Variants in MFAP3 observed in about 807,000 individuals in gnomAD.
MFAP3 encodes microfibril associated protein 3.
Under a neutral mutation model 20.5 loss-of-function variants are expected in MFAP3, and 8 were observed. The observed-to-expected ratio is 0.39, with a 90% confidence interval of 0.23 to 0.70. The LOEUF (loss-of-function observed/expected upper bound fraction) is 0.70, where lower values mean the gene tolerates loss of function less well. MFAP3 is among the 30% of genes least tolerant of loss of function. The pLI, the probability that MFAP3 is intolerant of heterozygous loss-of-function variation, is 0.44. For synonymous variants in MFAP3, 140 were observed against 154.0 expected (o/e 0.91, Z 0.67); for missense variants, 398 against 444.6 (o/e 0.90, Z 0.94).
intron 1 of MFAP3, among the ~76,000 whole-genome samples, chr5:154,044,156 C>T (rs1362404975): frequency 6.6e-6 from 1 of 152,214 alleles, no homozygotes; most frequent in East Asian, 1.9e-4. Flanking sequence ...CTTGCACCAC[C>T]TACTGTACTT....
intron 1 of MFAP3, among the ~76,000 whole-genome samples, chr5:154,043,461 G>C (rs1427050587): frequency 1.3e-5 from 2 of 151,988 alleles, no homozygotes; most frequent in East Asian, 3.9e-4. Context: ...TGAGGTGGGA[G>C]AATCGCTTGA....
intron 2 of MFAP3, among the ~76,000 whole-genome samples, chr5:154,050,795 A>T (rs1274533262): frequency 6.6e-6 from 1 of 151,750 alleles, no homozygotes; most frequent in African/African-American, 2.4e-5. Context: ...AATCCAGACT[A>T]CTCCTAACCA....
At position 154,049,774 on chromosome 5, in the gene MFAP3, G is replaced by C; in HGVS notation, c.52G>C (p.Ala18Pro). Reference sequence around the variant, plus strand: ...TTTAGTGGCAAGTATTATTGTGCCAGCTGCTTTTGTTTTGGAAGATGTGGA... The same window carrying C: ...TTTAGTGGCAAGTATTATTGTGCCACCTGCTTTTGTTTTGGAAGATGTGGA... ...FTLVASIIVP[A>P]AFVLEDVDFD... is the part of the protein sequence containing the mutation. Residue 18 changes from alanine to proline, a missense_variant, in exon 2 of 3, where the codon GCT becomes CCT. Ala to Pro is a conservative substitution (Grantham distance 27). Transcript: ENST00000522782. The C allele has an allele frequency of 6.2e-7, 1 of 1,613,642 alleles. No individual in the cohort carries two copies. Among genetic ancestry groups the C allele is most frequent in the Non-Finnish European group, 8.5e-7 (1 of 1,179,688 alleles).
At chr5:154,050,640 ATACCT>A (rs1773168504) in intron 2 of MFAP3, among the ~76,000 whole-genome samples, 1 of 55,192 alleles carries the variant, frequency 1.8e-5, no homozygotes, top group African/African-American at 6.9e-5. Flanking sequence ...TTTGTATTCT[ATACCT>A]TAATTTACTG....
At position 154,056,235 on chromosome 5, in the gene MFAP3, C is replaced by G. The variant is rs1386353147; in HGVS notation, c.*2522C>G. On this transcript the variant is annotated 3_prime_UTR_variant, in exon 3 of 3. Transcript: ENST00000522782. ...CGTTGTATCCTAGTTATTTTAGAAA[C>G]AGAGGTGGCCTAATTTGGTGGCCAA... Among the ~76,000 whole-genome samples, 3 of 152,154 alleles carry G rather than the reference C, an allele frequency of 2.0e-5. No homozygotes were observed. The highest frequency in any genetic ancestry group is 4.4e-5 in the Non-Finnish European group (3 of 68,010).
rs2113571430 is a variant in MFAP3 at position 154,055,360 on chromosome 5, G to T, written c.*1647G>T. 6.6e-6 allele frequency among the ~76,000 whole-genome samples: 1 copy of T among 152,290 alleles called. No homozygotes were observed. ...AGAAGTAATACATCTGCTCTGAATAGCATGAATGAATCAATGTGCAGTTTT... is the reference window on the plus strand; with the variant it reads ...AGAAGTAATACATCTGCTCTGAATATCATGAATGAATCAATGTGCAGTTTT... On this transcript the variant is annotated 3_prime_UTR_variant, in exon 3 of 3. Transcript: ENST00000522782.
Position 154,053,414 on chromosome 5 carries a change from C to T in MFAP3, c.790C>T (p.Pro264Ser), listed in dbSNP as rs1350289293. ...GTTTGAGGCTGTGCGAGTGGACGACCCTGATGACCTGGGTGAAAGAATTAA... is the reference window on the plus strand; with the variant it reads ...GTTTGAGGCTGTGCGAGTGGACGACTCTGATGACCTGGGTGAAAGAATTAA... ...EMFEAVRVDD[P>S]DDLGERIKER... Residue 264 changes from proline to serine, a missense_variant, in exon 3 of 3, where the codon CCT becomes TCT. Physicochemically the swap from Pro to Ser is moderately conservative, Grantham distance 74. Transcript: ENST00000522782. 2 of 1,613,764 alleles carry T rather than the reference C, an allele frequency of 1.2e-6. No individual in the cohort carries two copies. Among genetic ancestry groups the T allele is most frequent in the Non-Finnish European group, 1.7e-6 (2 of 1,179,954 alleles).
chr5:154,041,298 A>G (rs959008936), intron 1 of MFAP3, among the ~76,000 whole-genome samples: 1 of 152,262 alleles, frequency 6.6e-6, no homozygotes, highest in Non-Finnish European at 1.5e-5. Flanking sequence ...AGTAAGGTGA[A>G]AAGTTATTTA....
chr5:154,052,126 G>A (rs1404502221), intron 2 of MFAP3, among the ~76,000 whole-genome samples: 1 of 152,062 alleles, frequency 6.6e-6, no homozygotes, highest in Non-Finnish European at 1.5e-5. Context: ...CGTGTTCCCT[G>A]AATGAAAATA....
At position 154,044,358 on chromosome 5, in the gene MFAP3, CCTCA is replaced by C. The variant is rs199833397; in HGVS notation, c.-166-5196_-166-5193del. 5.6e-3 allele frequency among the ~76,000 whole-genome samples: 852 copies of C among 152,290 alleles called. 9 individuals are homozygous for C. Among genetic ancestry groups the C allele is most frequent in the African/African-American group, 0.019 (810 of 41,556 alleles). On this transcript the variant is annotated intron_variant, in intron 1 of 2. Transcript: ENST00000522782. ...TGATACCAAGGATGATTTGTTCTTC[CCTCA>C]CTATTTTTTTCTGCTTTGTCACCTT...
At chr5:154,046,651 C>T (rs1291382530) in intron 1 of MFAP3, among the ~76,000 whole-genome samples, 1 of 152,178 alleles carries the variant, frequency 6.6e-6, no homozygotes, top group East Asian at 1.9e-4. Context: ...AGGCAGAATT[C>T]CATGTGGGAG....
At position 154,057,289 on chromosome 5, in the gene MFAP3, G is replaced by A. The variant is rs746534230; in HGVS notation, c.*3576G>A. 1.3e-5 allele frequency among the ~76,000 whole-genome samples: 2 copies of A among 152,062 alleles called. No homozygotes were observed. Among genetic ancestry groups the A allele is most frequent in the African/African-American group, 2.4e-5 (1 of 41,396 alleles). On this transcript the variant is annotated 3_prime_UTR_variant, in exon 3 of 3. Coordinates refer to ENST00000522782, the MANE Select transcript of MFAP3 (RefSeq NM_005927.5). ...TAGAAACTCCTAGATTTTCACTAAC[G>A]CATTTCACAAAAGTAAATAAGTATT...
chr5:154,049,791 A>G lies in MFAP3; in HGVS notation c.69A>G (p.Glu23=), dbSNP rs1164153928. 9.9e-6 allele frequency: 16 copies of G among 1,613,562 alleles called. No individual in the cohort carries two copies. The South Asian group carries it at 1.6e-4, about 17-fold the overall frequency. The part of the protein sequence containing the change: ...SIIVPAAFVL[E]DVDFDQMVSL... ...TTGTGCCAGCTGCTTTTGTTTTGGA[A>G]GATGTGGACTTCGACCAAATGGTTT... Residue 23 remains glutamate (E), a synonymous_variant, in exon 2 of 3, where the codon GAA becomes GAG. Coordinates refer to ENST00000522782, the MANE Select transcript of MFAP3 (RefSeq NM_005927.5).
intron 1 of MFAP3, among the ~76,000 whole-genome samples, chr5:154,044,597 C>A (rs1366663161): frequency 1.3e-5 from 2 of 152,340 alleles, no homozygotes; most frequent in Non-Finnish European, 2.9e-5. Context: ...TGCCAGGTTT[C>A]TTCTGCCATG....
intron 2 of MFAP3, among the ~76,000 whole-genome samples, chr5:154,050,610 C>CTTTTTTTTTTTTTTTT (rs11167656): frequency 2.1e-5 from 2 of 93,280 alleles, no homozygotes; most frequent in Non-Finnish European, 4.1e-5. Flanking sequence ...CCTTCCAGCT[C>CTTTTTTTTTTTTTTTT]TTTTTTTTTT....
Position 154,054,984 on chromosome 5 carries a change from T to C in MFAP3, c.*1271T>C, listed in dbSNP as rs1432818167. 1 of 167,004 alleles carries C rather than the reference T, an allele frequency of 6.0e-6. No homozygotes were observed. Among genetic ancestry groups the C allele is most frequent in the Non-Finnish European group, 1.5e-5 (1 of 68,112 alleles). The allele number at this position is 167,004 out of a possible 1,614,324, so 10.3% of individuals were successfully genotyped here. On this transcript the variant is annotated 3_prime_UTR_variant, in exon 3 of 3. Coordinates refer to ENST00000522782, the MANE Select transcript of MFAP3 (RefSeq NM_005927.5). ...TAGACATCAAGAGGAAGAAAAATGA[T>C]GGATGATGCCACCTGCTTCAACTGT...
rs1195676832 is a variant in MFAP3, at chr5:154,043,457, G to A, written c.-167+4446G>A. On this transcript the variant is annotated intron_variant, in intron 1 of 2. Transcript: ENST00000522782. ...TCCCAGTTACTTGCGAGGCTGAGGT[G>A]GGAGAATCGCTTGAACCTGGGGGGT... Among the ~76,000 whole-genome samples the A allele has an allele frequency of 3.3e-5, 5 of 151,890 alleles. No homozygotes were observed. In the South Asian group the frequency reaches 6.2e-4, roughly 19 times the overall value.
chr5:154,040,075 G>A (rs568332979), intron 1 of MFAP3, among the ~76,000 whole-genome samples: 15 of 152,182 alleles, frequency 9.9e-5, no homozygotes, highest in Non-Finnish European at 2.2e-4. Context: ...AGAATTTGGG[G>A]CTAAAGTATG....
At position 154,056,923 on chromosome 5, in the gene MFAP3, G is replaced by A. The variant is rs941938477; in HGVS notation, c.*3210G>A. Reference sequence around the variant, plus strand: ...TGGAACGGTTGTGAGAAGACTCCTGGCTTCTTTCTTGCCTCACTTAACAAA... The same window carrying A: ...TGGAACGGTTGTGAGAAGACTCCTGACTTCTTTCTTGCCTCACTTAACAAA... On this transcript the variant is annotated 3_prime_UTR_variant, in exon 3 of 3. Transcript: ENST00000522782. Among the ~76,000 whole-genome samples the A allele has an allele frequency of 6.6e-6, 1 of 152,172 alleles. No homozygotes were observed. Among genetic ancestry groups the A allele is most frequent in the Non-Finnish European group, 1.5e-5 (1 of 68,026 alleles).
Sources: gnomAD v4.1 joint callset for allele counts (sites outside exome capture counted in the v4.1 genomes callset) on GRCh38, gnomAD v4.1.1 for gene constraint, MANE v1.5 for transcripts, NCBI Gene and HGNC (gene_info 2026-07-23, HGNC 2026-07-21) for gene names.